ZMYM1: variants seen among roughly 807,000 people sequenced by gnomAD.
ZMYM1 encodes zinc finger MYM-type protein 1.
ZMYM1 carries 39 observed loss-of-function variants against 60.0 expected under a neutral mutation model. The observed-to-expected ratio is 0.65, with a 90% confidence interval of 0.50 to 0.85. The LOEUF (loss-of-function observed/expected upper bound fraction) is 0.85. Ranked by LOEUF, ZMYM1 falls within the 40% of genes least tolerant of loss-of-function variation. The pLI, the probability that ZMYM1 is intolerant of heterozygous loss-of-function variation, is 0.00. For synonymous variants in ZMYM1, 413 were observed against 454.0 expected (o/e 0.91, Z 1.15); for missense variants, 1,171 against 1,309.5 (o/e 0.89, Z 1.63).
At chr1:35,076,083 C>T (rs984348100), upstream of ZMYM1, among the ~76,000 whole-genome samples, 1 of 152,170 alleles carries the variant, frequency 6.6e-6, no homozygotes, top group Non-Finnish European at 1.5e-5. Flanking sequence ...GCAACTCTTT[C>T]ACAGGACATT....
At chr1:35,073,633 AAAAAG>A (rs1036470187) in intron 1 of ZMYM1, among the ~76,000 whole-genome samples, 15 of 151,880 alleles carry the variant, frequency 9.9e-5, no homozygotes, top group South Asian at 2.1e-4. Flanking sequence ...AAGGAAATAA[AAAAAG>A]AAAAGAAAAG....
At chr1:35,062,207 C>A (rs958467240) in intron 1 of ZMYM1, among the ~76,000 whole-genome samples, 1 of 152,130 alleles carries the variant, frequency 6.6e-6, no homozygotes, top group Non-Finnish European at 1.5e-5. Flanking sequence ...CTCATTCTTA[C>A]CCAGTTGAGG....
At chr1:35,067,249 A>G (rs12083420) in intron 1 of ZMYM1, among the ~76,000 whole-genome samples, 21,122 of 152,006 alleles carry the variant, frequency 0.14, 4,722 homozygotes, top group African/African-American at 0.47. Context: ...AAAGTGCTGG[A>G]ATTACAGGCA....
intron 6 of ZMYM1, 114 bp from the exon 7 acceptor site, chr1:35,110,180 G>A (rs1471471144): frequency 1.3e-6 from 1 of 781,274 alleles, no homozygotes; most frequent in African/African-American, 1.8e-5. Context: ...TGTAAAAACT[G>A]TCTTAATTGT....
chr1:35,082,622 C>T (rs138710279), intron 1 of ZMYM1, among the ~76,000 whole-genome samples: 2,155 of 151,720 alleles, frequency 0.014, 50 homozygotes, highest in African/African-American at 0.049. Context: ...TGAGCCACCA[C>T]GCCTGGCCTG....
intron 6 of ZMYM1, among the ~76,000 whole-genome samples, chr1:35,107,981 C>A (rs186424369): frequency 1.3e-5 from 2 of 152,046 alleles, no homozygotes; most frequent in Admixed American, 1.3e-4. Flanking sequence ...TAGTGGCACA[C>A]ACCTAATAAT....
intron 7 of ZMYM1, 107 bp downstream of exon 7, chr1:35,110,554 A>G (rs1188523942): frequency 2.1e-6 from 2 of 966,230 alleles, no homozygotes; most frequent in Non-Finnish European, 2.7e-6. Flanking sequence ...CGACTTTTAA[A>G]AGTCAAAACA....
At chr1:35,086,666 T>G (rs1642671058) in intron 1 of ZMYM1, among the ~76,000 whole-genome samples, 1 of 152,092 alleles carries the variant, frequency 6.6e-6, no homozygotes, top group African/African-American at 2.4e-5. Context: ...ATGCAATTTT[T>G]TTTTCAATTA....
chr1:35,070,933 G>A (rs1006279887), intron 1 of ZMYM1, among the ~76,000 whole-genome samples: 3 of 151,956 alleles, frequency 2.0e-5, no homozygotes, highest in African/African-American at 4.8e-5. Flanking sequence ...TGCCCAGGTT[G>A]GAGTGCAGTG....
chr1:35,113,755 C>T lies in ZMYM1; in HGVS notation c.1925C>T (p.Ala642Val). The T allele has an allele frequency of 6.2e-7, 1 of 1,613,906 alleles. No homozygotes were observed. Among genetic ancestry groups the T allele is most frequent in the Non-Finnish European group, 8.5e-7 (1 of 1,179,874 alleles). Reference protein sequence around the residue: ...DIVNEINDSSAFSIICDETIN... With the variant: ...DIVNEINDSSVFSIICDETIN... ...GTGAATGAGATCAATGACTCCTCAGCATTTTCAATCATATGTGATGAGACA... is the reference window on the plus strand; with the variant it reads ...GTGAATGAGATCAATGACTCCTCAGTATTTTCAATCATATGTGATGAGACA... The change falls in exon 10 of 10, where the codon GCA becomes GTA. Residue 642 changes from alanine to valine, a missense_variant. By Grantham distance (64) the Ala-to-Val change is moderately conservative (BLOSUM62 0). Coordinates refer to ENST00000359858, the MANE Select transcript of ZMYM1 (RefSeq NM_024772.5).
intron 1 of ZMYM1, among the ~76,000 whole-genome samples, chr1:35,082,430 A>C (rs1197349716): frequency 1.3e-5 from 2 of 151,360 alleles, no homozygotes; most frequent in Non-Finnish European, 2.9e-5. Flanking sequence ...TCCTGGGTTC[A>C]TGCAGTTCTC....
At chr1:35,093,203 T>G (rs1643124275) in intron 1 of ZMYM1, 1 of 152,400 alleles carries the variant, frequency 6.6e-6, no homozygotes, top group Admixed American at 6.5e-5. Context: ...GAAGAGGAAC[T>G]GAAGAAGCAA....
chr1:35,074,724 A>G (rs1407160114), upstream of ZMYM1, among the ~76,000 whole-genome samples: 1 of 152,014 alleles, frequency 6.6e-6, no homozygotes, highest in Non-Finnish European at 1.5e-5. Context: ...TTGATTTTCT[A>G]GCTAAATGAT....
intron 1 of ZMYM1, among the ~76,000 whole-genome samples, chr1:35,089,732 G>A (rs930221941): frequency 4.1e-5 from 5 of 121,170 alleles, no homozygotes; most frequent in African/African-American, 1.4e-4. Context: ...ATGATTAGTT[G>A]TAAGGCTTTT....
intron 1 of ZMYM1, among the ~76,000 whole-genome samples, chr1:35,081,925 T>A (rs1224257973): frequency 6.6e-6 from 1 of 152,162 alleles, no homozygotes; most frequent in Non-Finnish European, 1.5e-5. Context: ...ACTCCTGACC[T>A]CAGGTAATTC....
At position 35,113,831 on chromosome 1, in the gene ZMYM1, A is replaced by G. The variant is rs779188915; in HGVS notation, c.2001A>G (p.Gln667=). The change falls in exon 10 of 10, where the codon CAA becomes CAG. Residue 667 remains glutamine, a synonymous_variant. Coordinates refer to ENST00000359858, the MANE Select transcript of ZMYM1 (RefSeq NM_024772.5). ...EQLSICVRYP[Q]KSSKAILIKE... Reference sequence around the variant, plus strand: ...TTTCAATTTGTGTAAGATACCCACAAAAATCATCAAAGGCTATCTTAATTA... The same window carrying G: ...TTTCAATTTGTGTAAGATACCCACAGAAATCATCAAAGGCTATCTTAATTA... 136 of 1,613,668 alleles carry G rather than the reference A, an allele frequency of 8.4e-5. No individual in the cohort carries two copies. The highest frequency in any genetic ancestry group is 9.6e-5 in the Non-Finnish European group (113 of 1,179,856).
intron 3 of ZMYM1, 32 bp from the exon 4 acceptor site, chr1:35,097,285 A>G: frequency 1.3e-6 from 2 of 1,547,468 alleles, no homozygotes; most frequent in South Asian, 1.3e-5. Context: ...TGTAAATAAC[A>G]ATTTTTTTTT....
chr1:35,112,221 A>G (rs557076277), intron 9 of ZMYM1, 91 bp downstream of exon 9: 6 of 1,328,566 alleles, frequency 4.5e-6, no homozygotes, highest in Middle Eastern at 1.9e-4. Context: ...TCTGCCACCC[A>G]AGCTGGAGTG....
At chr1:35,081,611 T>C (rs1642391306) in intron 1 of ZMYM1, among the ~76,000 whole-genome samples, 1 of 152,226 alleles carries the variant, frequency 6.6e-6, no homozygotes, top group Non-Finnish European at 1.5e-5. Context: ...TTTCATTAGA[T>C]TTATTCCTAT....
Sources: gnomAD v4.1 joint callset for allele counts (sites outside exome capture counted in the v4.1 genomes callset) on GRCh38, gnomAD v4.1.1 for gene constraint, MANE v1.5 for transcripts, NCBI Gene and HGNC (gene_info 2026-07-23, HGNC 2026-07-21) for gene names.